The following PUDP variants were observed in gnomAD, a reference collection of about 807,000 sequenced individuals.
The protein encoded by PUDP is pseudouridine 5'-phosphatase, also known as pseudouridine-5'-phosphatase.
A neutral mutation model predicts 9.4 loss-of-function variants in PUDP; 8 were observed. The observed-to-expected ratio is 0.85, with a 90% CI of 0.50 to 1.53. The LOEUF is 1.53. PUDP is among the 40% of genes most tolerant of loss of function. The pLI is 0.00. For missense variants in PUDP, 188 were observed against 189.7 expected (o/e 0.99, Z 0.05); for synonymous variants, 99 against 80.7 (o/e 1.23, Z -1.22).
At chrX:6,801,613 A>G (rs756991901) in intron 3 of PUDP, among the ~76,000 whole-genome samples, 1 of 111,971 alleles carries the variant, frequency 8.9e-6, no homozygotes, top group Admixed American at 9.5e-5. Context: ...AGTGCATTAC[A>G]ATAGGTGATT....
chrX:7,132,173 T>C (rs908683322), intron 1 of PUDP, among the ~76,000 whole-genome samples: 1 of 110,884 alleles, frequency 9.0e-6, no homozygotes, highest in South Asian at 3.9e-4. Flanking sequence ...ATCTGGCAAC[T>C]GGTGGTCCTG....
chrX:6,914,098 C>T (rs756711706), intron 3 of PUDP, among the ~76,000 whole-genome samples: 5 of 99,141 alleles, frequency 5.0e-5, no homozygotes, highest in South Asian at 5.1e-4. Context: ...ATCTGGGAGG[C>T]GGAGCTTGCA....
chrX:6,835,376 G>A (rs144681431), intron 3 of PUDP, among the ~76,000 whole-genome samples: 20 of 111,333 alleles, frequency 1.8e-4, no homozygotes, highest in African/African-American at 6.5e-4. Context: ...AAAGGACACA[G>A]CAACGTCATA....
intron 3 of PUDP, among the ~76,000 whole-genome samples, chrX:7,065,297 T>C (rs1471000673): frequency 8.9e-6 from 1 of 112,563 alleles, no homozygotes; most frequent in African/African-American, 3.2e-5. Context: ...AAAAAGATGC[T>C]TTCGAGTTTT....
intron 2 of PUDP, chrX:7,084,947 G>A (rs1931219453): frequency 8.9e-6 from 1 of 112,048 alleles, no homozygotes; most frequent in Non-Finnish European, 1.9e-5. Context: ...TTCTCATGAA[G>A]CGGTTAGCAT....
At chrX:6,723,684 A>G (rs139503610), upstream of PUDP, among the ~76,000 whole-genome samples, 265 of 108,195 alleles carry the variant, frequency 2.4e-3, 1 homozygote, top group African/African-American at 8.3e-3. Flanking sequence ...AAACAAAACA[A>G]AACAAAACAA....
rs1413311599 is a variant in PUDP at position 7,077,172 on chromosome X, G to A, written c.510+48C>T. 4.3e-6 allele frequency: 5 copies of A among 1,159,887 alleles called. No individual in the cohort carries two copies. In the East Asian group the frequency reaches 1.6e-4, roughly 38 times the overall value. On this transcript the variant is annotated intron_variant, in intron 3 of 3. Coordinates refer to ENST00000381077, the MANE Select transcript of PUDP (RefSeq NM_012080.5). ...GCAAACACTACATGGATATTATTTG[G>A]TGGAACATGGTTGTGGAACACGGCC...
intron 3 of PUDP, among the ~76,000 whole-genome samples, chrX:6,742,101 G>T (rs1278235189): frequency 3.6e-5 from 4 of 111,442 alleles, no homozygotes; most frequent in African/African-American, 1.3e-4. Context: ...TGATCTGCCC[G>T]CCTCGGACTC....
chrX:6,720,242 GTA>G (rs1388607701), intron 1 of PUDP, among the ~76,000 whole-genome samples: 1,249 of 41,630 alleles, frequency 0.03, 47 homozygotes, highest in African/African-American at 0.11. Flanking sequence ...GTGTATATAT[GTA>G]TGTGTGTGTG....
intron 1 of PUDP, among the ~76,000 whole-genome samples, chrX:6,991,094 T>G (rs771567084): frequency 9.0e-6 from 1 of 111,674 alleles, no homozygotes; most frequent in Admixed American, 9.5e-5. Context: ...TTTTTGACAT[T>G]ATGGTTTTGC....
intron 3 of PUDP, among the ~76,000 whole-genome samples, chrX:6,890,398 C>T (rs746896915): frequency 6.3e-5 from 7 of 111,722 alleles, no homozygotes; most frequent in Admixed American, 4.8e-4. Context: ...TTATTTGGAA[C>T]CCCAAATCAA....
intron 3 of PUDP, among the ~76,000 whole-genome samples, chrX:6,758,347 C>A (rs4914920): frequency 9.2e-6 from 1 of 108,991 alleles, no homozygotes; most frequent in African/African-American, 3.3e-5. Flanking sequence ...CCTCTGGTCC[C>A]TGATACTTGG....
chrX:7,001,031 T>C (rs990353880), intron 1 of PUDP, among the ~76,000 whole-genome samples: 8 of 109,612 alleles, frequency 7.3e-5, no homozygotes, highest in Admixed American at 2.0e-4. Context: ...TGCTTATTCA[T>C]TGTCTACCTA....
chrX:6,792,708 C>T (rs764655590), intron 3 of PUDP, among the ~76,000 whole-genome samples: 1 of 112,365 alleles, frequency 8.9e-6, no homozygotes, highest in Non-Finnish European at 1.9e-5. Flanking sequence ...TTAAAATGGA[C>T]AGTTTTTCCT....
At chrX:6,828,521 G>A (rs1926458626) in intron 3 of PUDP, among the ~76,000 whole-genome samples, 1 of 111,764 alleles carries the variant, frequency 8.9e-6, no homozygotes. Context: ...TAGTGAATTT[G>A]TTGTAATCAA....
chrX:6,983,528 G>A (rs1929065166), intron 1 of PUDP, among the ~76,000 whole-genome samples: 2 of 112,201 alleles, frequency 1.8e-5, no homozygotes, highest in Non-Finnish European at 3.8e-5. Flanking sequence ...TATGATCTCT[G>A]GAATAATGGC....
intron 1 of PUDP, among the ~76,000 whole-genome samples, chrX:7,025,020 C>T (rs940985215): frequency 9.0e-6 from 1 of 111,152 alleles, no homozygotes; most frequent in African/African-American, 3.3e-5. Context: ...ATCTTAGCAA[C>T]GCCTCAGAGG....
At chrX:6,790,009 ATAGG>A (rs1219869086) in intron 3 of PUDP, among the ~76,000 whole-genome samples, 3 of 110,461 alleles carry the variant, frequency 2.7e-5, no homozygotes, top group African/African-American at 9.9e-5. Context: ...GATCATAGAG[ATAGG>A]TAGAGAAAAA....
At chrX:6,721,698 G>A (rs979948303), upstream of PUDP, among the ~76,000 whole-genome samples, 4 of 111,996 alleles carry the variant, frequency 3.6e-5, no homozygotes, top group Non-Finnish European at 5.6e-5. Context: ...GGATAGGTGC[G>A]TGATGTTCAC....
Sources: gnomAD v4.1 joint callset for allele counts (sites outside exome capture counted in the v4.1 genomes callset) on GRCh38, gnomAD v4.1.1 for gene constraint, MANE v1.5 for transcripts, NCBI Gene and HGNC (gene_info 2026-07-23, HGNC 2026-07-21) for gene names.